Variants in SNTG2 observed in about 807,000 individuals in gnomAD.
SNTG2 encodes the protein syntrophin gamma 2.
SNTG2 carries 74 observed loss-of-function variants against 70.9 expected under a neutral mutation model. The ratio of observed to expected loss-of-function variants is 1.04; its 90% confidence interval spans 0.86 to 1.27. SNTG2 has a LOEUF of 1.27. SNTG2 is among the 50% of genes most tolerant of loss of function. The pLI is 0.00. For synonymous variants in SNTG2, 278 were observed against 273.8 expected, an observed-to-expected ratio of 1.02 and a Z score of -0.15; for missense variants, 717 against 690.7, an observed-to-expected ratio of 1.04 and a Z score of -0.43.
At chr2:1,095,885 A>C (rs1376738045) in intron 2 of SNTG2, among the ~76,000 whole-genome samples, 1 of 152,176 alleles carries the variant, frequency 6.6e-6, no homozygotes, top group Non-Finnish European at 1.5e-5. Context: ...TAGCCTTAGA[A>C]CTCAGAAGCG....
chr2:1,324,890 A>C (rs76502621), intron 16 of SNTG2, among the ~76,000 whole-genome samples: 6,428 of 152,294 alleles, frequency 0.042, 458 homozygotes, highest in African/African-American at 0.15. Flanking sequence ...AGTATTGACC[A>C]TCAGACTGTG....
chr2:1,093,832 C>A (rs970118937), intron 2 of SNTG2, among the ~76,000 whole-genome samples: 41 of 152,260 alleles, frequency 2.7e-4, no homozygotes, highest in Non-Finnish European at 4.0e-4. Context: ...AGCAGGGACT[C>A]CCTTCTCACC....
At chr2:1,196,179 A>T (rs1425190176) in intron 8 of SNTG2, among the ~76,000 whole-genome samples, 2 of 152,196 alleles carry the variant, frequency 1.3e-5, no homozygotes, top group African/African-American at 4.8e-5. Context: ...TATTTTAAAA[A>T]CAAGGAAACA....
chr2:991,404 C>CACACACACAG (rs1401877264), intron 1 of SNTG2, among the ~76,000 whole-genome samples: 1 of 151,636 alleles, frequency 6.6e-6, no homozygotes, highest in Middle Eastern at 3.2e-3. Context: ...CACACACACA[C>CACACACACAG]ACAATTATGA....
At chr2:1,162,630 C>T (rs181091057) in intron 6 of SNTG2, among the ~76,000 whole-genome samples, 38 of 152,256 alleles carry the variant, frequency 2.5e-4, no homozygotes, top group African/African-American at 8.9e-4. Flanking sequence ...GCTTGCAGGG[C>T]CTTGTGAGAG....
intron 11 of SNTG2, among the ~76,000 whole-genome samples, 160 bp downstream of exon 11, chr2:1,239,936 G>A (rs1418832026): frequency 2.0e-5 from 3 of 152,170 alleles, no homozygotes; most frequent in Non-Finnish European, 2.9e-5. Context: ...ACTGCATTTG[G>A]TGGTCTCTGC....
At chr2:1,150,414 C>T (rs1669400502) in intron 6 of SNTG2, among the ~76,000 whole-genome samples, 1 of 152,138 alleles carries the variant, frequency 6.6e-6, no homozygotes, top group African/African-American at 2.4e-5. Context: ...TGCCACAGCA[C>T]CAGTGGGCAG....
intron 14 of SNTG2, among the ~76,000 whole-genome samples, chr2:1,289,067 C>T (rs1232306810): frequency 1.3e-5 from 2 of 151,972 alleles, no homozygotes; most frequent in Non-Finnish European, 1.5e-5. Context: ...CACGGCTGTC[C>T]TCTGCTCTCT....
chr2:1,243,627 A>T (rs773867843), intron 11 of SNTG2, among the ~76,000 whole-genome samples: 1 of 152,148 alleles, frequency 6.6e-6, no homozygotes, highest in Non-Finnish European at 1.5e-5. Flanking sequence ...GATATTCCTG[A>T]GTGTTACGGC....
rs1448743143 is a variant in SNTG2 at position 1,363,130 on chromosome 2, C to CG, written c.1489-4213_1489-4212insG. 2.4e-4 allele frequency among the ~76,000 whole-genome samples: 3 copies of CG among 12,736 alleles called. No individual in the cohort carries two copies. In the East Asian group the frequency reaches 0.094, roughly 398 times the overall value. The allele number at this position is 12,736 out of a possible 152,430, so 8.4% of individuals were successfully genotyped here. The stretch of plus-strand genomic sequence containing the variant: ...TCCTGTGAAACCCTCACAAAATGGA[C>CG]CCCCCCCATGAAAGAGGAACCATGA... On this transcript the variant is annotated intron_variant, in intron 16 of 16. Coordinates refer to ENST00000308624, the MANE Select transcript of SNTG2 (RefSeq NM_018968.4).
chr2:953,621 T>C (rs1660050132), intron 1 of SNTG2, among the ~76,000 whole-genome samples: 1 of 152,224 alleles, frequency 6.6e-6, no homozygotes, highest in Admixed American at 6.5e-5. Context: ...TAATTTCAAC[T>C]GTAGAATTTC....
intron 16 of SNTG2, among the ~76,000 whole-genome samples, chr2:1,330,201 C>T (rs1659451830): frequency 6.6e-6 from 1 of 152,194 alleles, no homozygotes; most frequent in African/African-American, 2.4e-5. Flanking sequence ...TGGTTTTCTT[C>T]AGTAGAAAGG....
chr2:952,485 G>A (rs774925736), intron 1 of SNTG2, among the ~76,000 whole-genome samples: 2 of 152,316 alleles, frequency 1.3e-5, no homozygotes, highest in African/African-American at 4.8e-5. Flanking sequence ...AAGCAACTGC[G>A]CGTATTCTAG....
At chr2:1,132,817 CTAAA>C in intron 4 of SNTG2, among the ~76,000 whole-genome samples, 1 of 152,204 alleles carries the variant, frequency 6.6e-6, no homozygotes, top group Non-Finnish European at 1.5e-5. Flanking sequence ...AGTTTTAGAG[CTAAA>C]CACCTCCCAG....
intron 6 of SNTG2, among the ~76,000 whole-genome samples, chr2:1,155,289 C>A (rs1669814511): frequency 6.6e-6 from 1 of 151,544 alleles, no homozygotes; most frequent in Non-Finnish European, 1.5e-5. Context: ...ATAACATACA[C>A]ATACCCACAT....
At chr2:1,167,849 G>A (rs1202985570) in intron 7 of SNTG2, among the ~76,000 whole-genome samples, 24 of 113,950 alleles carry the variant, frequency 2.1e-4, no homozygotes, top group African/African-American at 3.3e-4. Flanking sequence ...CAGAACTGAA[G>A]CCTACAGGCC....
At position 963,254 on chromosome 2, in the gene SNTG2, A is replaced by G. The variant is rs868272622; in HGVS notation, c.72+12186A>G. Among the ~76,000 whole-genome samples the G allele has an allele frequency of 2.2e-4, 33 of 152,272 alleles. 1 individual carries two copies. Among genetic ancestry groups the G allele is most frequent in the Middle Eastern group, 6.8e-3 (2 of 294 alleles). ...GTACTTTTGAAAATGAAAATATGCT[A>G]CGTAAAAATTGAAATGGAATGACCC... On this transcript the variant is annotated intron_variant, in intron 1 of 16. Transcript: ENST00000308624.
chr2:1,061,633 A>C (rs1380351572), intron 1 of SNTG2, among the ~76,000 whole-genome samples: 1 of 152,182 alleles, frequency 6.6e-6, no homozygotes, highest in Non-Finnish European at 1.5e-5. Context: ...AAGAAATCAT[A>C]AAGGAAATTG....
intron 6 of SNTG2, among the ~76,000 whole-genome samples, chr2:1,149,615 G>T (rs532322070): frequency 9.2e-5 from 14 of 151,666 alleles, no homozygotes; most frequent in African/African-American, 2.9e-4. Flanking sequence ...TCTTTTCTAG[G>T]TTCAGGTGGT....
Sources: gnomAD v4.1 joint callset for allele counts (sites outside exome capture counted in the v4.1 genomes callset) on GRCh38, gnomAD v4.1.1 for gene constraint, MANE v1.5 for transcripts, NCBI Gene and HGNC (gene_info 2026-07-23, HGNC 2026-07-21) for gene names.